CYTH3: variants seen among roughly 807,000 people sequenced by gnomAD.
CYTH3 encodes cytohesin-3.
In CYTH3, 23 loss-of-function variants were observed where a neutral mutation model predicts 55.1. That is an observed-to-expected ratio of 0.42 (90% CI 0.30 to 0.59). The LOEUF (loss-of-function observed/expected upper bound fraction) is 0.59. Ranked by LOEUF, CYTH3 falls within the 20% of genes least tolerant of loss-of-function variation. The probability of loss-of-function intolerance (pLI) is 0.20; values close to 1 mark genes in which losing one functional copy is unlikely to be tolerated. For synonymous variants in CYTH3, 249 were observed against 194.9 expected (o/e 1.28, Z -2.31); for missense variants, 413 against 524.8 (o/e 0.79, Z 2.08).
intron 1 of CYTH3, among the ~76,000 whole-genome samples, chr7:6,224,293 G>A (rs1779180006): frequency 7.0e-6 from 1 of 142,288 alleles, no homozygotes; most frequent in African/African-American, 2.6e-5. Flanking sequence ...TTAACAAAGT[G>A]TGACACTGCT....
At chr7:6,166,882 C>A (rs1783025652) in intron 9 of CYTH3, among the ~76,000 whole-genome samples, 1 of 152,176 alleles carries the variant, frequency 6.6e-6, no homozygotes, top group Non-Finnish European at 1.5e-5. Flanking sequence ...TTCCTCCTCT[C>A]CCCACAGGCC....
At chr7:6,266,228 A>C (rs1171586703) in intron 1 of CYTH3, among the ~76,000 whole-genome samples, 1 of 152,130 alleles carries the variant, frequency 6.6e-6, no homozygotes. Context: ...AGCAGGGGGC[A>C]GTGGTTGAGA....
chr7:6,193,336 C>T (rs1456560074), intron 1 of CYTH3, among the ~76,000 whole-genome samples: 1 of 149,306 alleles, frequency 6.7e-6, no homozygotes, highest in African/African-American at 2.5e-5. Flanking sequence ...AAGATCGTGC[C>T]ACTGCACTCT....
At chr7:6,172,809 A>T (rs1461858264) in intron 6 of CYTH3, 4 of 1,282,326 alleles carry the variant, frequency 3.1e-6, no homozygotes, top group South Asian at 2.5e-5. Flanking sequence ...CAGGATTCTT[A>T]TATGTTGCGA....
At chr7:6,202,480 G>A (rs1485181755) in intron 1 of CYTH3, among the ~76,000 whole-genome samples, 1 of 51,894 alleles carries the variant, frequency 1.9e-5, no homozygotes, top group African/African-American at 7.5e-5. Flanking sequence ...TTTTTTTTTT[G>A]AGACAGGGTT....
rs933508765 is a variant in CYTH3, at chr7:6,162,834, G to C, written c.*2110C>G. 6.6e-6 allele frequency: 1 copy of C among 152,636 alleles called. No homozygotes were observed. Among genetic ancestry groups the C allele is most frequent in the African/African-American group, 2.4e-5 (1 of 41,464 alleles). 9.5% of individuals were successfully genotyped at this position (152,636 alleles called of 1,614,324 possible). On this transcript the variant is annotated 3_prime_UTR_variant, in exon 13 of 13. Transcript: ENST00000350796. ...TGCATCCCCAGGTCACACCTGGGTT[G>C]GTCAGAAGAAGGAAACAGCTTGTCC...
At chr7:6,227,471 A>C (rs1409520240) in intron 1 of CYTH3, among the ~76,000 whole-genome samples, 1 of 152,210 alleles carries the variant, frequency 6.6e-6, no homozygotes, top group African/African-American at 2.4e-5. Context: ...AAAAATCATT[A>C]AACTAAGAAT....
rs575006159 is a variant in CYTH3, at chr7:6,176,058, G to A, written c.368+1765C>T. 2.0e-5 allele frequency among the ~76,000 whole-genome samples: 3 copies of A among 152,106 alleles called. No individual in the cohort carries two copies. In the South Asian group the frequency reaches 6.2e-4, roughly 32 times the overall value. On this transcript the variant is annotated intron_variant, in intron 5 of 12. Coordinates refer to ENST00000350796, the MANE Select transcript of CYTH3 (RefSeq NM_004227.4). ...AGCAATAGTAAGCCCTCCAATCCAC[G>A]AACATGGGATGCTTTTCCATTTATT...
At chr7:6,190,610 G>T in intron 1 of CYTH3, 79 bp from the exon 2 acceptor site, 1 of 1,090,040 alleles carries the variant, frequency 9.2e-7, no homozygotes, top group Non-Finnish European at 1.3e-6. Context: ...GGTACATGCT[G>T]CCACCCAGCA....
intron 1 of CYTH3, among the ~76,000 whole-genome samples, chr7:6,211,554 A>G (rs927958198): frequency 6.6e-6 from 1 of 152,250 alleles, no homozygotes; most frequent in African/African-American, 2.4e-5. Context: ...TAGGAGATTG[A>G]GGCAGAAGGA....
chr7:6,213,023 T>C (rs1359368848), intron 1 of CYTH3, among the ~76,000 whole-genome samples: 1 of 152,238 alleles, frequency 6.6e-6, no homozygotes, highest in African/African-American at 2.4e-5. Flanking sequence ...AGAAGTGCCA[T>C]GTATTAATAC....
At chr7:6,176,547 C>T (rs1042104464) in intron 5 of CYTH3, among the ~76,000 whole-genome samples, 6 of 152,176 alleles carry the variant, frequency 3.9e-5, no homozygotes, top group African/African-American at 1.4e-4. Flanking sequence ...AGGCATGAGG[C>T]ACCACGCCTG....
chr7:6,225,077 T>C (rs1406333359), intron 1 of CYTH3, among the ~76,000 whole-genome samples: 1 of 152,124 alleles, frequency 6.6e-6, no homozygotes, highest in Non-Finnish European at 1.5e-5. Context: ...AGGGATCTGT[T>C]AGGGGTGAAG....
At chr7:6,265,881 G>A (rs781190703) in intron 1 of CYTH3, among the ~76,000 whole-genome samples, 1 of 152,046 alleles carries the variant, frequency 6.6e-6, no homozygotes, top group Non-Finnish European at 1.5e-5. Context: ...TGAGCAACTG[G>A]AAGAACACCA....
chr7:6,212,071 T>C (rs1350813493), intron 1 of CYTH3, among the ~76,000 whole-genome samples: 2 of 152,190 alleles, frequency 1.3e-5, no homozygotes, highest in Non-Finnish European at 1.5e-5. Context: ...ACCATCCTTA[T>C]CTCCCCTTTA....
chr7:6,171,338 G>A lies in CYTH3; in HGVS notation c.450-24C>T, dbSNP rs1382917986. On this transcript the variant is annotated intron_variant, in intron 6 of 12. Coordinates refer to ENST00000350796, the MANE Select transcript of CYTH3 (RefSeq NM_004227.4). This position sits in a 1 kb window ranked among gnomAD's most constrained non-coding sequence, Gnocchi z 6.7. ...GCCTGTGGAGACACCAAAGCCATGGGAAGCCGCATCAGAACCAACACCGCC... is the reference window on the plus strand; with the variant it reads ...GCCTGTGGAGACACCAAAGCCATGGAAAGCCGCATCAGAACCAACACCGCC... 2 of 1,611,510 alleles carry A rather than the reference G, an allele frequency of 1.2e-6. No individual in the cohort carries two copies. Among genetic ancestry groups the A allele is most frequent in the African/African-American group, 1.3e-5 (1 of 75,012 alleles).
intron 1 of CYTH3, among the ~76,000 whole-genome samples, chr7:6,262,910 C>G (rs1016815094): frequency 1.3e-5 from 2 of 151,590 alleles, no homozygotes; most frequent in Non-Finnish European, 2.9e-5. Context: ...CAGAGCGCGA[C>G]TCTAATAAAA....
intron 1 of CYTH3, among the ~76,000 whole-genome samples, chr7:6,253,903 G>C (rs979385185): frequency 6.6e-5 from 10 of 151,942 alleles, no homozygotes; most frequent in African/African-American, 2.2e-4. Flanking sequence ...TGAGGCAGGA[G>C]AATCACTTGA....
At chr7:6,260,342 C>T (rs1319898430) in intron 1 of CYTH3, among the ~76,000 whole-genome samples, 3 of 152,164 alleles carry the variant, frequency 2.0e-5, no homozygotes, top group African/African-American at 7.2e-5. Flanking sequence ...ATTATTCTAA[C>T]ATGCCTGATA....
Sources: gnomAD v4.1 joint callset for allele counts (sites outside exome capture counted in the v4.1 genomes callset) on GRCh38, gnomAD v4.1.1 for gene constraint, Gnocchi (gnomAD v3.1) non-coding constraint, MANE v1.5 for transcripts, NCBI Gene and HGNC (gene_info 2026-07-23, HGNC 2026-07-21) for gene names.